Variants in SORCS2 observed in about 807,000 individuals in gnomAD.
SORCS2 encodes the protein VPS10 domain-containing receptor SorCS2.
SORCS2 carries 100 observed loss-of-function variants against 141.6 expected under a neutral mutation model. That is an observed-to-expected ratio of 0.71 (90% CI 0.60 to 0.83). SORCS2 has a LOEUF of 0.83. SORCS2 is among the 40% of genes least tolerant of loss of function. The probability of loss-of-function intolerance (pLI) is 0.00; values close to 1 mark genes in which losing one functional copy is unlikely to be tolerated. For synonymous variants in SORCS2, 789 were observed against 676.9 expected, an observed-to-expected ratio of 1.17 and a Z score of -2.57; for missense variants, 1,646 against 1,560.2, an observed-to-expected ratio of 1.05 and a Z score of -0.93.
chr4:7,429,914 A>G (rs10032914), intron 2 of SORCS2, among the ~76,000 whole-genome samples: 150,992 of 152,332 alleles, frequency 0.99, 74,851 homozygotes, highest in East Asian at 1. Context: ...TGACTGTGGG[A>G]GGTGGGCCAT....
At chr4:7,380,379 T>C (rs1293462919) in intron 1 of SORCS2, among the ~76,000 whole-genome samples, 2 of 152,234 alleles carry the variant, frequency 1.3e-5, no homozygotes, top group Non-Finnish European at 2.9e-5. Context: ...TCCTGCCATG[T>C]TGGAATTGCA....
intron 3 of SORCS2, among the ~76,000 whole-genome samples, chr4:7,561,420 C>A (rs942693909): frequency 2.2e-4 from 33 of 151,752 alleles, no homozygotes; most frequent in African/African-American, 7.8e-4. Context: ...ATCCATGTAT[C>A]CATTCATCCA....
At chr4:7,549,300 T>G (rs1713506168) in intron 3 of SORCS2, among the ~76,000 whole-genome samples, 1 of 152,088 alleles carries the variant, frequency 6.6e-6, no homozygotes, top group Non-Finnish European at 1.5e-5. Flanking sequence ...AGCAAGTCTA[T>G]CGATTTGAAG....
At chr4:7,285,021 C>CATATAT (rs900055455) in intron 1 of SORCS2, among the ~76,000 whole-genome samples, 6 of 141,980 alleles carry the variant, frequency 4.2e-5, no homozygotes, top group African/African-American at 1.3e-4. Flanking sequence ...GGGACCATCC[C>CATATAT]ATATATATAT....
intron 1 of SORCS2, among the ~76,000 whole-genome samples, chr4:7,324,561 C>A (rs1719116850): frequency 6.6e-6 from 1 of 152,218 alleles, no homozygotes; most frequent in South Asian, 2.1e-4. Context: ...ACTCTCCCGG[C>A]ACACTTTAAT....
At chr4:7,342,482 C>T (rs752326118) in intron 1 of SORCS2, among the ~76,000 whole-genome samples, 47 of 152,178 alleles carry the variant, frequency 3.1e-4, no homozygotes, top group Non-Finnish European at 5.3e-4. Flanking sequence ...TGCCCTCCTA[C>T]CTTTCTTCTT....
chr4:7,648,318 G>T lies in SORCS2; in HGVS notation c.814-5816G>T, dbSNP rs998015041. Among the ~76,000 whole-genome samples the T allele has an allele frequency of 9.2e-5, 14 of 152,110 alleles. No homozygotes were observed. Among genetic ancestry groups the T allele is most frequent in the Non-Finnish European group, 1.5e-4 (10 of 68,000 alleles). On this transcript the variant is annotated intron_variant, in intron 4 of 26. Transcript: ENST00000507866. This position sits in a 1 kb window ranked among gnomAD's most constrained non-coding sequence, Gnocchi z 4.2. ...CAGGGAGGAAGTGACCGTGGAGAGG[G>T]TGTCAAGGAGTCAGGGGTCATCAGG...
At position 7,400,577 on chromosome 4, in the gene SORCS2, C is replaced by G. The variant is rs77034564; in HGVS notation, c.548+4222C>G. Among the ~76,000 whole-genome samples, 268 of 152,276 alleles carry G rather than the reference C, an allele frequency of 1.8e-3. 1 individual carries two copies. Among genetic ancestry groups the G allele is most frequent in the African/African-American group, 6.3e-3 (262 of 41,546 alleles). On this transcript the variant is annotated intron_variant, in intron 2 of 26. Coordinates refer to ENST00000507866, the MANE Select transcript of SORCS2 (RefSeq NM_020777.3). The stretch of plus-strand genomic sequence containing the variant: ...CAGATCCCTGGAACCAAACTCAGAT[C>G]TGGCATAGGAGATACATGTTGGGCA...
intron 11 of SORCS2, among the ~76,000 whole-genome samples, chr4:7,693,482 T>G (rs1450468767): frequency 6.6e-6 from 1 of 152,200 alleles, no homozygotes; most frequent in Admixed American, 6.5e-5. Context: ...CCCCACCTGC[T>G]CCTCAGATGC....
chr4:7,507,533 A>G (rs954799009), intron 2 of SORCS2, among the ~76,000 whole-genome samples: 2 of 151,572 alleles, frequency 1.3e-5, no homozygotes, highest in Admixed American at 6.6e-5. Context: ...AAAATTTTCT[A>G]AAAATAGAAA....
intron 1 of SORCS2, among the ~76,000 whole-genome samples, chr4:7,295,848 G>A (rs1717013201): frequency 6.6e-6 from 1 of 152,240 alleles, no homozygotes; most frequent in South Asian, 2.1e-4. Flanking sequence ...TGGCCAGGCT[G>A]ATGGAGCAGC....
rs573231742 is a variant in SORCS2 at position 7,700,620 on chromosome 4, C to T, written c.1669-2660C>T. The stretch of plus-strand genomic sequence containing the variant: ...AGGAAACAATTTCTATGAATGTAGC[C>T]ATAGGCATTGTGCTTCTCCAAGCAC... On this transcript the variant is annotated intron_variant, in intron 12 of 26. Coordinates refer to ENST00000507866, the MANE Select transcript of SORCS2 (RefSeq NM_020777.3). Among the ~76,000 whole-genome samples the T allele has an allele frequency of 2.0e-5, 3 of 152,334 alleles. No individual in the cohort carries two copies. In the East Asian group the frequency reaches 5.8e-4, roughly 29 times the overall value.
chr4:7,372,220 C>T (rs774370235), intron 1 of SORCS2, among the ~76,000 whole-genome samples: 8 of 152,090 alleles, frequency 5.3e-5, no homozygotes, highest in Non-Finnish European at 1.2e-4. Context: ...GTTTGTAAGT[C>T]AGTGGTTGAA....
chr4:7,737,088 G>T lies in SORCS2; in HGVS notation c.3331G>T (p.Val1111Leu). 1 of 1,551,286 alleles carries T rather than the reference G, an allele frequency of 6.4e-7. No homozygotes were observed. Among genetic ancestry groups the T allele is most frequent in the Non-Finnish European group, 8.7e-7 (1 of 1,146,916 alleles). Residue 1111 changes from valine (V) to leucine (L), a missense_variant, in exon 26 of 27, where the codon GTG becomes TTG. Coordinates refer to ENST00000507866, the MANE Select transcript of SORCS2 (RefSeq NM_020777.3). ...KFKRKRPGRT[V>L]YAQMHNEKEQ... The stretch of plus-strand genomic sequence containing the variant: ...CAGCAGGAAACGGCCAGGCAGGACC[G>T]TGTACGCCCAAATGCACAACGAGAA...
rs1053133212 is a variant in SORCS2 at position 7,230,902 on chromosome 4, C to T, written c.480+37776C>T. On this transcript the variant is annotated intron_variant, in intron 1 of 26. Coordinates refer to ENST00000507866, the MANE Select transcript of SORCS2 (RefSeq NM_020777.3). ...CTGGGCAGGAGCAGTGTCATGTGCT[C>T]TTGTATGAAGGAGATGAAGACACCC... 6.2e-4 allele frequency among the ~76,000 whole-genome samples: 94 copies of T among 152,326 alleles called. 1 individual carries two copies. Among genetic ancestry groups the T allele is most frequent in the Admixed American group, 2.5e-3 (39 of 15,300 alleles).
chr4:7,688,407 C>G (rs1314078749), intron 10 of SORCS2, among the ~76,000 whole-genome samples: 1 of 152,074 alleles, frequency 6.6e-6, no homozygotes, highest in Non-Finnish European at 1.5e-5. Context: ...AGATTTTTAA[C>G]AGAAAAAAGT....
At chr4:7,230,558 A>T (rs1191745870) in intron 1 of SORCS2, among the ~76,000 whole-genome samples, 1 of 139,172 alleles carries the variant, frequency 7.2e-6, no homozygotes, top group South Asian at 2.5e-4. Flanking sequence ...GAGTAGTGTC[A>T]TGTGCTCATG....
chr4:7,699,225 C>T lies in SORCS2; in HGVS notation c.1668+1951C>T, dbSNP rs547150365. Among the ~76,000 whole-genome samples the T allele has an allele frequency of 1.6e-4, 24 of 152,220 alleles. No homozygotes were observed. In the East Asian group the frequency reaches 2.1e-3, roughly 14 times the overall value. On this transcript the variant is annotated intron_variant, in intron 12 of 26. Transcript: ENST00000507866. ...ACCCGGCCCTGCTGCTTGCTCAAGGCGCAGGAAACCACAGGAATGGGCGTC... is the reference window on the plus strand; with the variant it reads ...ACCCGGCCCTGCTGCTTGCTCAAGGTGCAGGAAACCACAGGAATGGGCGTC...
intron 1 of SORCS2, among the ~76,000 whole-genome samples, chr4:7,392,744 G>A (rs1204043784): frequency 6.6e-6 from 1 of 151,940 alleles, no homozygotes; most frequent in Non-Finnish European, 1.5e-5. Context: ...ACAGAGGGGG[G>A]AGGGCAGCAA....
Sources: allele counts gnomAD v4.1 joint callset (sites outside exome capture counted in the v4.1 genomes callset), GRCh38; gene constraint gnomAD v4.1.1; non-coding constraint Gnocchi (gnomAD v3.1); transcripts MANE v1.5; gene names NCBI Gene and HGNC (gene_info 2026-07-23, HGNC 2026-07-21).